The following ACAD10 variants were observed in gnomAD, a reference collection of about 807,000 sequenced individuals.
ACAD10 encodes the protein acyl-CoA dehydrogenase family member 10, also known as ACAD-10.
A neutral mutation model predicts 116.8 loss-of-function variants in ACAD10; 112 were observed. The ratio of observed to expected loss-of-function variants is 0.96; its 90% CI spans 0.82 to 1.12. The LOEUF (loss-of-function observed/expected upper bound fraction) is 1.12. Ranked by LOEUF, ACAD10 falls within the 50% of genes most tolerant of loss-of-function variation. The pLI is 0.00. For missense variants in ACAD10, 1,259 were observed against 1,350.2 expected (o/e 0.93, Z 1.06); for synonymous variants, 486 against 510.6 (o/e 0.95, Z 0.65).
intron 1 of ACAD10, among the ~76,000 whole-genome samples, chr12:111,688,903 A>G (rs1461967584): frequency 1.3e-5 from 2 of 152,048 alleles, no homozygotes; most frequent in Non-Finnish European, 1.5e-5. Context: ...TAGATTGCTT[A>G]TAATACTGGC....
rs143739010 is a variant in ACAD10 at position 111,728,137 on chromosome 12, A to C, written c.1237A>C (p.Lys413Gln). 398 of 1,601,604 alleles carry C rather than the reference A, an allele frequency of 2.5e-4. No homozygotes were observed. Among genetic ancestry groups the C allele is most frequent in the Non-Finnish European group, 3.0e-4 (357 of 1,173,602 alleles). ...LQAVGLEDYG[K>Q]QGDYIPRQVR... The stretch of plus-strand genomic sequence containing the variant: ...GGCTGTGGGACTTGAAGACTATGGG[A>C]AGCAAGGTGAGCAGGAGGCCACGTC... Residue 413 changes from lysine (K) to glutamine (Q), a missense_variant, in exon 9 of 21, where the codon AAG (lysine) becomes CAG (glutamine). By Grantham distance (53) the Lys-to-Gln change is moderately conservative. Coordinates refer to ENST00000313698, the MANE Select transcript of ACAD10 (RefSeq NM_025247.6).
chr12:111,698,688 G>A (rs1888263999), intron 2 of ACAD10, among the ~76,000 whole-genome samples: 1 of 151,880 alleles, frequency 6.6e-6, no homozygotes, highest in Non-Finnish European at 1.5e-5. Context: ...CGTTGGTCAG[G>A]CTGCTCTCGA....
intron 12 of ACAD10, among the ~76,000 whole-genome samples, chr12:111,743,239 A>T (rs1303037027): frequency 6.6e-6 from 1 of 152,154 alleles, no homozygotes; most frequent in African/African-American, 2.4e-5. Context: ...GCTGAGTGAC[A>T]TATGTATTTA....
At position 111,754,531 on chromosome 12, in the gene ACAD10, C is replaced by G. The variant is rs140032584; in HGVS notation, c.2961+616C>G. ...GCTCTTTCTAAGTGCCTGTGATGAC[C>G]AAGCACAATGCCATGTTGACCTTGC... On this transcript the variant is annotated intron_variant, in intron 19 of 20. Coordinates refer to ENST00000313698, the MANE Select transcript of ACAD10 (RefSeq NM_025247.6). 1.1e-3 allele frequency among the ~76,000 whole-genome samples: 164 copies of G among 152,334 alleles called. 2 individuals carry two copies. In the Middle Eastern group the frequency reaches 0.014, roughly 13 times the overall value.
At chr12:111,713,129 G>A (rs561817920) in intron 6 of ACAD10, among the ~76,000 whole-genome samples, 2 of 151,970 alleles carry the variant, frequency 1.3e-5, no homozygotes, top group East Asian at 3.9e-4. Context: ...TGGCTAACTT[G>A]GTGAAACCCT....
At chr12:111,740,612 G>A (rs956242271) in intron 12 of ACAD10, among the ~76,000 whole-genome samples, 5 of 151,176 alleles carry the variant, frequency 3.3e-5, no homozygotes, top group African/African-American at 1.2e-4. Context: ...ACAAAAATTA[G>A]CTGGGCTTGG....
chr12:111,715,657 GACTCA>G, intron 6 of ACAD10, 159 bp from the exon 7 acceptor site: 2 of 848,312 alleles, frequency 2.4e-6, no homozygotes, highest in Non-Finnish European at 3.6e-6. Flanking sequence ...GTAGACCTGG[GACTCA>G]GTCACTCCTA....
chr12:111,687,954 C>T (rs1283317115), intron 1 of ACAD10: 1 of 152,076 alleles, frequency 6.6e-6, no homozygotes, highest in Non-Finnish European at 1.5e-5. Flanking sequence ...ACTGCAACCT[C>T]GGCTTCCTGG....
At chr12:111,735,817 TA>T (rs758788781) in intron 11 of ACAD10, among the ~76,000 whole-genome samples, 46 of 152,056 alleles carry the variant, frequency 3.0e-4, no homozygotes, top group Non-Finnish European at 6.0e-4. Flanking sequence ...TTTTTATTTT[TA>T]TATTTATTTA....
intron 12 of ACAD10, 73 bp downstream of exon 12, chr12:111,737,077 C>G: frequency 6.7e-7 from 1 of 1,493,510 alleles, no homozygotes; most frequent in Non-Finnish European, 9.1e-7. Flanking sequence ...ACCTGGAAAC[C>G]CTCTCAGGGC....
Position 111,710,763 on chromosome 12 carries a change from C to T in ACAD10, c.690+1079C>T, listed in dbSNP as rs576822382. ...GCCCGCCTCGCCTCCCAAAGATTCACGGCCTCACCACGCCCGGCCGTGAAT... is the reference window on the plus strand; with the variant it reads ...GCCCGCCTCGCCTCCCAAAGATTCATGGCCTCACCACGCCCGGCCGTGAAT... On this transcript the variant is annotated intron_variant, in intron 5 of 20. Transcript: ENST00000313698. Among the ~76,000 whole-genome samples the T allele has an allele frequency of 6.6e-5, 10 of 152,044 alleles. No individual in the cohort carries two copies. The South Asian group carries it at 1.7e-3, about 25-fold the overall frequency.
At chr12:111,703,118 C>G (rs1245678411) in intron 3 of ACAD10, among the ~76,000 whole-genome samples, 1 of 151,686 alleles carries the variant, frequency 6.6e-6, no homozygotes, top group Non-Finnish European at 1.5e-5. Context: ...TACTAAGTTC[C>G]TCCAGCATAT....
At chr12:111,696,716 A>G (rs775667065) in intron 2 of ACAD10, among the ~76,000 whole-genome samples, 35 of 152,196 alleles carry the variant, frequency 2.3e-4, no homozygotes, top group Admixed American at 6.5e-5. Flanking sequence ...CAAACATTTT[A>G]GTTTTTTTAT....
chr12:111,756,241 G>A (rs182603167), intron 20 of ACAD10, 92 bp from the exon 21 acceptor site: 4 of 1,476,906 alleles, frequency 2.7e-6, no homozygotes, highest in Non-Finnish European at 2.7e-6. Flanking sequence ...GAAGATGGTT[G>A]TTATGGGCCA....
At chr12:111,746,365 T>G in intron 14 of ACAD10, 81 bp downstream of exon 14, 6 of 1,451,124 alleles carry the variant, frequency 4.1e-6, no homozygotes, top group South Asian at 1.5e-5. Flanking sequence ...ATAAACCAGA[T>G]TCAGAAGCAC....
chr12:111,703,426 A>G (rs1028573716), intron 3 of ACAD10, among the ~76,000 whole-genome samples: 2 of 152,198 alleles, frequency 1.3e-5, no homozygotes, highest in African/African-American at 2.4e-5. Flanking sequence ...AACTCATGTA[A>G]CCACAATAGC....
chr12:111,718,227 TTAG>T, intron 7 of ACAD10, among the ~76,000 whole-genome samples: 1 of 151,896 alleles, frequency 6.6e-6, no homozygotes. Context: ...TTTACTATTT[TTAG>T]TAGAGATGGG....
At position 111,755,672 on chromosome 12, in the gene ACAD10, C is replaced by CAGCCTTGGATAT; in HGVS notation, c.2971_2982dup (p.Leu991_Ala994dup). On this transcript the variant is annotated inframe_insertion, in exon 20 of 21. Coordinates refer to ENST00000313698, the MANE Select transcript of ACAD10 (RefSeq NM_025247.6). ...CGCATCTCCTCCTCCTTACAGGCTGCAGCCTTGGATATAGCCATGATTAAA... is the reference window on the plus strand; with the variant it reads ...CGCATCTCCTCCTCCTTACAGGCTGCAGCCTTGGATATAGCCTTGGATATAGCCATGATTAAA... 1 of 1,613,658 alleles carries CAGCCTTGGATAT rather than the reference C, an allele frequency of 6.2e-7. No individual in the cohort carries two copies. The highest frequency in any genetic ancestry group is 8.5e-7 in the Non-Finnish European group (1 of 1,179,786).
In ACAD10 at chr12:111,748,370, C is replaced by T; in HGVS notation, c.2539C>T (p.His847Tyr). 6.2e-7 allele frequency: 1 copy of T among 1,614,162 alleles called. No homozygotes were observed. The highest frequency in any genetic ancestry group is 8.5e-7 in the Non-Finnish European group (1 of 1,180,038). The change falls in exon 17 of 21, where the codon CAT (histidine) becomes TAT (tyrosine). Residue 847 changes from histidine to tyrosine, a missense_variant. By Grantham distance (83) the His-to-Tyr change is moderately conservative. Transcript: ENST00000313698. ...TGTGTTTATGGGAAAAACAGACCCACATGCACCAAGACACCGGCAGCAGTC... is the reference window on the plus strand; with the variant it reads ...TGTGTTTATGGGAAAAACAGACCCATATGCACCAAGACACCGGCAGCAGTC... Reference protein sequence around the residue: ...LCVFMGKTDPHAPRHRQQSVL... With the variant: ...LCVFMGKTDPYAPRHRQQSVL...
Sources: gnomAD v4.1 joint callset for allele counts (sites outside exome capture counted in the v4.1 genomes callset) on GRCh38, gnomAD v4.1.1 for gene constraint, MANE v1.5 for transcripts, NCBI Gene and HGNC (gene_info 2026-07-23, HGNC 2026-07-21) for gene names.